WDR93: variants seen among roughly 807,000 people sequenced by gnomAD.
The protein encoded by WDR93 is WD repeat domain 93.
WDR93 carries 73 observed loss-of-function variants against 82.9 expected under a neutral mutation model. The ratio of observed to expected loss-of-function variants is 0.88; its 90% CI spans 0.73 to 1.07. The LOEUF (loss-of-function observed/expected upper bound fraction) is 1.07. Among genes scored for constraint, WDR93 ranks in the 50% least tolerant of loss-of-function variants. The probability of loss-of-function intolerance (pLI) is 0.00; values close to 1 mark genes in which losing one functional copy is unlikely to be tolerated. For missense variants in WDR93, 738 were observed against 826.0 expected (o/e 0.89, Z 1.31); for synonymous variants, 283 against 300.1 (o/e 0.94, Z 0.59).
At chr15:89,699,456 T>G (rs1176069150) in intron 1 of WDR93, among the ~76,000 whole-genome samples, 1 of 152,068 alleles carries the variant, frequency 6.6e-6, no homozygotes, top group African/African-American at 2.4e-5. Context: ...TTTCTCTTTA[T>G]CCATAATTTT....
chr15:89,713,575 C>T (rs866047291), intron 5 of WDR93, among the ~76,000 whole-genome samples: 5 of 151,804 alleles, frequency 3.3e-5, no homozygotes, highest in African/African-American at 7.3e-5. Context: ...CAGGTTCAAG[C>T]GATTCTCCCA....
intron 1 of WDR93, among the ~76,000 whole-genome samples, chr15:89,694,580 C>G (rs1419897095): frequency 1.3e-5 from 2 of 152,158 alleles, no homozygotes; most frequent in Non-Finnish European, 2.9e-5. Flanking sequence ...TAAAAATACT[C>G]TGGACAAAAG....
chr15:89,729,225 C>T, intron 10 of WDR93, 132 bp downstream of exon 10: 1 of 809,106 alleles, frequency 1.2e-6, no homozygotes, highest in South Asian at 1.5e-5. Context: ...AGTTTGGTTG[C>T]CAGCTGTAGC....
At chr15:89,697,593 A>G (rs1179938637) in intron 1 of WDR93, among the ~76,000 whole-genome samples, 1 of 152,224 alleles carries the variant, frequency 6.6e-6, no homozygotes, top group Non-Finnish European at 1.5e-5. Flanking sequence ...GTGCACTTAA[A>G]AATAATTTGC....
intron 16 of WDR93, 62 bp downstream of exon 16, chr15:89,738,298 G>A: frequency 6.7e-7 from 1 of 1,493,168 alleles, no homozygotes; most frequent in Non-Finnish European, 9.0e-7. Flanking sequence ...TTGAGGGATA[G>A]TGGAGTTTCT....
At chr15:89,716,476 T>C (rs989198059) in intron 6 of WDR93, among the ~76,000 whole-genome samples, 1 of 152,240 alleles carries the variant, frequency 6.6e-6, no homozygotes, top group Admixed American at 6.5e-5. Flanking sequence ...CATAATTCAC[T>C]TCTTTTTCAT....
At chr15:89,699,207 TTGA>T in intron 1 of WDR93, among the ~76,000 whole-genome samples, 1 of 152,248 alleles carries the variant, frequency 6.6e-6, no homozygotes, top group Admixed American at 6.5e-5. Flanking sequence ...TGCTAGCTTG[TTGA>T]TGATGAATTC....
chr15:89,702,067 G>A lies in WDR93; in HGVS notation c.303+18G>A. The A allele has an allele frequency of 6.3e-7, 1 of 1,585,730 alleles. No individual in the cohort carries two copies. The highest frequency in any genetic ancestry group is 8.6e-7 in the Non-Finnish European group (1 of 1,162,308). ...AAATCCAGGTATGGAGTAAGCAGTT[G>A]ACCAGGAGCCCCTGTTTCTCAGTTG... On this transcript the variant is annotated intron_variant, in intron 2 of 16. Transcript: ENST00000268130.
chr15:89,708,185 T>C (rs1450413212), intron 4 of WDR93, among the ~76,000 whole-genome samples: 1 of 152,128 alleles, frequency 6.6e-6, no homozygotes, highest in African/African-American at 2.4e-5. Context: ...ACTGTCTTGA[T>C]TGTGGTGTTG....
At chr15:89,715,308 C>G (rs1966198744) in intron 6 of WDR93, among the ~76,000 whole-genome samples, 1 of 152,180 alleles carries the variant, frequency 6.6e-6, no homozygotes, top group Non-Finnish European at 1.5e-5. Context: ...CGCAGTATCT[C>G]TAGTCTGGGA....
intron 16 of WDR93, among the ~76,000 whole-genome samples, chr15:89,738,828 G>A (rs1176785844): frequency 6.6e-6 from 1 of 151,216 alleles, no homozygotes; most frequent in Non-Finnish European, 1.5e-5. Flanking sequence ...TTAAAAGTAT[G>A]TTTAGGCCAG....
chr15:89,708,593 G>A (rs1289097681), intron 4 of WDR93, among the ~76,000 whole-genome samples: 1 of 152,212 alleles, frequency 6.6e-6, no homozygotes, highest in African/African-American at 2.4e-5. Context: ...ATGATTCAAT[G>A]TCAGGAATGG....
chr15:89,698,111 T>G (rs1965279412), intron 1 of WDR93, among the ~76,000 whole-genome samples: 1 of 151,916 alleles, frequency 6.6e-6, no homozygotes, highest in Non-Finnish European at 1.5e-5. Flanking sequence ...GTCTCGATCT[T>G]CTGACCTCGT....
intron 9 of WDR93, among the ~76,000 whole-genome samples, chr15:89,728,106 A>T (rs189337720): frequency 1.3e-5 from 2 of 152,306 alleles, no homozygotes; most frequent in Admixed American, 1.3e-4. Flanking sequence ...AAAATAATAA[A>T]AAACACAGAA....
chr15:89,691,042 A>G (rs1964849169), intron 1 of WDR93, among the ~76,000 whole-genome samples, 185 bp downstream of exon 1: 1 of 152,060 alleles, frequency 6.6e-6, no homozygotes, highest in African/African-American at 2.4e-5. Flanking sequence ...GATATCCCGA[A>G]TGGTCTCTCC....
chr15:89,722,862 C>A (rs1441707900), intron 8 of WDR93, among the ~76,000 whole-genome samples: 4 of 151,548 alleles, frequency 2.6e-5, no homozygotes, highest in Non-Finnish European at 5.9e-5. Context: ...AAAAAAAAAA[C>A]CAGAAAAATG....
intron 14 of WDR93, 96 bp from the exon 15 acceptor site, chr15:89,737,477 G>T: frequency 6.7e-7 from 1 of 1,497,748 alleles, no homozygotes. Flanking sequence ...ATGTCCAGCT[G>T]CTTCTCTCAT....
intron 16 of WDR93, among the ~76,000 whole-genome samples, chr15:89,742,099 C>T (rs879360344): frequency 6.6e-6 from 1 of 152,036 alleles, no homozygotes; most frequent in Admixed American, 6.6e-5. Flanking sequence ...AAAAGTTGGA[C>T]ATTACCAGCC....
intron 6 of WDR93, 71 bp from the exon 7 acceptor site, chr15:89,716,840 C>A (rs1966272132): frequency 9.3e-7 from 1 of 1,079,116 alleles, no homozygotes; most frequent in Non-Finnish European, 1.4e-6. Flanking sequence ...AGAGAGCATG[C>A]CAGAAGATTA....
Sources: gnomAD v4.1 joint callset for allele counts (sites outside exome capture counted in the v4.1 genomes callset) on GRCh38, gnomAD v4.1.1 for gene constraint, MANE v1.5 for transcripts, NCBI Gene and HGNC (gene_info 2026-07-23, HGNC 2026-07-21) for gene names.